Variants in ADGRL2 observed in about 807,000 individuals in gnomAD.
ADGRL2 encodes the protein calcium-independent alpha-latrotoxin receptor 2.
A neutral mutation model predicts 157.4 loss-of-function variants in ADGRL2; 44 were observed. The ratio of observed to expected loss-of-function variants is 0.28; its 90% CI spans 0.22 to 0.36. The LOEUF (loss-of-function observed/expected upper bound fraction) is 0.36. Ranked by LOEUF, ADGRL2 falls within the 10% of genes least tolerant of loss-of-function variation. The probability of loss-of-function intolerance (pLI) is 1.00; values close to 1 mark genes in which losing one functional copy is unlikely to be tolerated. For missense variants in ADGRL2, 1,510 were observed against 1,768.9 expected (o/e 0.85, Z 2.63); for synonymous variants, 585 against 624.7 (o/e 0.94, Z 0.95).
At chr1:81,879,361 CT>C (rs1255115375) in intron 2 of ADGRL2, among the ~76,000 whole-genome samples, 1 of 151,962 alleles carries the variant, frequency 6.6e-6, no homozygotes, top group Non-Finnish European at 1.5e-5. Context: ...TTGTTTTGAC[CT>C]TTCTCTGCCA....
At chr1:81,775,386 T>G (rs2086539073) in intron 2 of ADGRL2, among the ~76,000 whole-genome samples, 1 of 152,176 alleles carries the variant, frequency 6.6e-6, no homozygotes, top group African/African-American at 2.4e-5. Context: ...TGTGCTGTAC[T>G]TGAAATCAAA....
chr1:81,863,831 T>C (rs1018932281), intron 2 of ADGRL2, among the ~76,000 whole-genome samples: 5 of 152,198 alleles, frequency 3.3e-5, no homozygotes, highest in Non-Finnish European at 7.4e-5. Context: ...TACTGAATTA[T>C]GTGTCACCAG....
intron 3 of ADGRL2, among the ~76,000 whole-genome samples, chr1:81,667,445 T>C (rs2082774273): frequency 6.6e-6 from 1 of 152,222 alleles, no homozygotes; most frequent in Admixed American, 6.5e-5. Flanking sequence ...GAAGGAGGCA[T>C]AAAATGAACA....
chr1:81,396,935 T>G (rs1434401452), intron 1 of ADGRL2, among the ~76,000 whole-genome samples: 1 of 152,176 alleles, frequency 6.6e-6, no homozygotes, highest in Non-Finnish European at 1.5e-5. Context: ...CCTCTAATGT[T>G]CTCTGATTGT....
chr1:81,846,704 T>G (rs184566838), intron 2 of ADGRL2, among the ~76,000 whole-genome samples: 11 of 152,120 alleles, frequency 7.2e-5, no homozygotes, highest in African/African-American at 2.4e-4. Context: ...ATTCTTCTTT[T>G]TCTCTTTGTA....
intron 1 of ADGRL2, among the ~76,000 whole-genome samples, chr1:81,755,148 T>TTATATATATATA (rs5775638): frequency 7.0e-6 from 1 of 143,760 alleles, no homozygotes; most frequent in African/African-American, 2.5e-5. Flanking sequence ...ATATATGTGT[T>TTATATATATATA]TATATATATA....
intron 3 of ADGRL2, among the ~76,000 whole-genome samples, chr1:81,692,786 A>T (rs2083369267): frequency 6.6e-6 from 1 of 152,218 alleles, no homozygotes; most frequent in Non-Finnish European, 1.5e-5. Flanking sequence ...AAAACATTCA[A>T]TTAGATGTCA....
At chr1:81,342,016 G>C (rs920319252) in intron 1 of ADGRL2, among the ~76,000 whole-genome samples, 1 of 152,136 alleles carries the variant, frequency 6.6e-6, no homozygotes, top group Non-Finnish European at 1.5e-5. Context: ...CTGTGAAACT[G>C]ACTGTGTCTG....
chr1:81,704,352 A>T (rs970592067), intron 1 of ADGRL2, among the ~76,000 whole-genome samples: 1 of 152,202 alleles, frequency 6.6e-6, no homozygotes, highest in Non-Finnish European at 1.5e-5. Flanking sequence ...CTCAAGACAG[A>T]GCATAGCACA....
At chr1:81,843,381 T>A (rs1421197585) in intron 2 of ADGRL2, among the ~76,000 whole-genome samples, 3 of 152,322 alleles carry the variant, frequency 2.0e-5, no homozygotes, top group East Asian at 3.9e-4. Context: ...TCTACTTGCC[T>A]TGGCCTCCCA....
At chr1:81,945,555 A>G (rs1276424816) in intron 6 of ADGRL2, among the ~76,000 whole-genome samples, 1 of 152,202 alleles carries the variant, frequency 6.6e-6, no homozygotes, top group Non-Finnish European at 1.5e-5. Context: ...TACTTCAGCA[A>G]ATACAAAGAT....
chr1:81,881,555 G>T (rs2093988525), intron 2 of ADGRL2, among the ~76,000 whole-genome samples: 1 of 152,154 alleles, frequency 6.6e-6, no homozygotes, highest in South Asian at 2.1e-4. Flanking sequence ...AAAAAGGAAA[G>T]AAACCTGCCC....
chr1:81,584,226 A>T (rs1350075963), intron 3 of ADGRL2, among the ~76,000 whole-genome samples: 1 of 152,044 alleles, frequency 6.6e-6, no homozygotes, highest in Non-Finnish European at 1.5e-5. Flanking sequence ...TCATCTATTC[A>T]CTTCACACAT....
chr1:81,372,975 C>T (rs1013534399), intron 1 of ADGRL2, among the ~76,000 whole-genome samples: 3 of 152,118 alleles, frequency 2.0e-5, no homozygotes, highest in African/African-American at 7.2e-5. Context: ...AGGGAGAGAG[C>T]TTGTTAAAAC....
intron 2 of ADGRL2, among the ~76,000 whole-genome samples, chr1:81,773,585 A>G (rs1368088930): frequency 6.6e-6 from 1 of 152,196 alleles, no homozygotes; most frequent in Non-Finnish European, 1.5e-5. Context: ...TTCTGTATCT[A>G]GAGGGATTCC....
In ADGRL2 at chr1:81,928,234, C is replaced by T. The variant is rs556798837; in HGVS notation, c.288-8494C>T. On this transcript the variant is annotated intron_variant, in intron 3 of 23. Coordinates refer to ENST00000686636, the MANE Select transcript of ADGRL2 (RefSeq NM_001366006.2). Reference sequence around the variant, plus strand: ...ATTAGTAGCTAAATACTTATCCCGCCTTCCTTTTAAATAGGTAATCTATTT... The same window carrying T: ...ATTAGTAGCTAAATACTTATCCCGCTTTCCTTTTAAATAGGTAATCTATTT... Among the ~76,000 whole-genome samples the T allele has an allele frequency of 1.8e-3, 269 of 152,204 alleles. 1 individual carries two copies. Among genetic ancestry groups the T allele is most frequent in the African/African-American group, 6.3e-3 (261 of 41,564 alleles).
At chr1:81,424,984 C>T (rs985942912) in intron 1 of ADGRL2, among the ~76,000 whole-genome samples, 2 of 152,144 alleles carry the variant, frequency 1.3e-5, no homozygotes, top group Admixed American at 6.5e-5. Flanking sequence ...TTAAAAGATT[C>T]CAGTCAAAAT....
chr1:81,614,899 G>C (rs1273796446), intron 3 of ADGRL2, among the ~76,000 whole-genome samples: 1 of 151,802 alleles, frequency 6.6e-6, no homozygotes. Flanking sequence ...TGTAGTCCCA[G>C]CTATTCAGGA....
At chr1:81,702,198 G>C (rs987877504) in intron 1 of ADGRL2, among the ~76,000 whole-genome samples, 1 of 152,096 alleles carries the variant, frequency 6.6e-6, no homozygotes, top group African/African-American at 2.4e-5. Flanking sequence ...AAGGAAAAAG[G>C]GTGAACACAA....
Sources: gnomAD v4.1 joint callset for allele counts (sites outside exome capture counted in the v4.1 genomes callset) on GRCh38, gnomAD v4.1.1 for gene constraint, MANE v1.5 for transcripts, NCBI Gene and HGNC (gene_info 2026-07-23, HGNC 2026-07-21) for gene names.